PRELID2: variants seen among roughly 807,000 people sequenced by gnomAD.
PRELID2 encodes the protein PRELI domain containing 2, also known as PRELI domain-containing protein 2.
In PRELID2, 25 loss-of-function variants were observed where a neutral mutation model predicts 28.4. That is an observed-to-expected ratio of 0.88 (90% CI 0.64 to 1.23). The LOEUF (loss-of-function observed/expected upper bound fraction) is 1.23. PRELID2 is among the 50% of genes most tolerant of loss of function. The pLI is 0.00. For missense variants in PRELID2, 201 were observed against 214.4 expected (o/e 0.94, Z 0.39); for synonymous variants, 76 against 71.6 (o/e 1.06, Z -0.31).
chr5:145,608,791 G>A (rs1753565523), intron 1 of PRELID2, among the ~76,000 whole-genome samples: 1 of 152,182 alleles, frequency 6.6e-6, no homozygotes, highest in Non-Finnish European at 1.5e-5. Flanking sequence ...GGCCTCTCTG[G>A]TGAGGTTAGG....
chr5:145,436,695 G>A, the PRELID2 span, among the ~76,000 whole-genome samples: 2 of 151,824 alleles, frequency 1.3e-5, no homozygotes, highest in Non-Finnish European at 2.9e-5. Flanking sequence ...TCATATGTTT[G>A]CTGGCTGTGT....
the PRELID2 span, among the ~76,000 whole-genome samples, chr5:145,290,460 T>C: frequency 6.6e-6 from 1 of 151,980 alleles, no homozygotes; most frequent in Non-Finnish European, 1.5e-5. Context: ...GGGACGTGGA[T>C]GAAGCTGGAA....
chr5:145,272,483 G>C, the PRELID2 span, among the ~76,000 whole-genome samples: 1 of 152,028 alleles, frequency 6.6e-6, no homozygotes, highest in Admixed American at 6.6e-5. Context: ...AGAGTTAATA[G>C]GTGTTCATAT....
chr5:145,503,673 T>C (rs1364630853), intron 1 of PRELID2, among the ~76,000 whole-genome samples: 1 of 152,190 alleles, frequency 6.6e-6, no homozygotes, highest in Non-Finnish European at 1.5e-5. Flanking sequence ...TGAATCATCA[T>C]ATTAATTGTT....
the PRELID2 span, among the ~76,000 whole-genome samples, chr5:145,421,940 T>C: frequency 6.6e-6 from 1 of 152,018 alleles, no homozygotes; most frequent in Admixed American, 6.6e-5. Flanking sequence ...GTGTCTTTGT[T>C]CTCCTTCGTT....
chr5:145,562,715 T>A (rs946304841), intron 1 of PRELID2, among the ~76,000 whole-genome samples: 1 of 152,064 alleles, frequency 6.6e-6, no homozygotes, highest in Non-Finnish European at 1.5e-5. Context: ...TACACACAAG[T>A]TTTATAAATC....
the PRELID2 span, among the ~76,000 whole-genome samples, chr5:145,237,346 C>T: frequency 6.6e-6 from 1 of 152,140 alleles, no homozygotes; most frequent in East Asian, 1.9e-4. Context: ...AGAAAAATAA[C>T]AAGCAAAACA....
chr5:145,363,939 A>G, the PRELID2 span, among the ~76,000 whole-genome samples: 1 of 151,910 alleles, frequency 6.6e-6, no homozygotes, highest in Non-Finnish European at 1.5e-5. Flanking sequence ...TATTATTTGG[A>G]GAAAAAAATC....
At chr5:145,488,709 A>C (rs1403201248) in intron 1 of PRELID2, among the ~76,000 whole-genome samples, 1 of 152,206 alleles carries the variant, frequency 6.6e-6, no homozygotes, top group African/African-American at 2.4e-5. Flanking sequence ...CACAAGTCCT[A>C]GCACATAGTA....
At chr5:145,272,768 C>A in the PRELID2 span, among the ~76,000 whole-genome samples, 11,217 of 152,032 alleles carry the variant, frequency 0.074, 1,274 homozygotes, top group African/African-American at 0.25. Flanking sequence ...TAGATGATAT[C>A]AATTTTTCTA....
intron 1 of PRELID2, among the ~76,000 whole-genome samples, chr5:145,750,157 G>A (rs1016573765): frequency 1.1e-4 from 16 of 151,636 alleles, no homozygotes; most frequent in Admixed American, 9.9e-4. Context: ...AAATCACCAA[G>A]CCGAGAAGTT....
chr5:145,627,078 T>G (rs187329661), intron 1 of PRELID2, among the ~76,000 whole-genome samples: 1 of 100,780 alleles, frequency 9.9e-6, no homozygotes, highest in Non-Finnish European at 1.8e-5. Context: ...CCAGCCTGGG[T>G]GACAGAGTAA....
chr5:145,609,106 A>G (rs1753570095), intron 1 of PRELID2, among the ~76,000 whole-genome samples: 1 of 152,214 alleles, frequency 6.6e-6, no homozygotes, highest in Non-Finnish European at 1.5e-5. Flanking sequence ...TTTCAGCTCT[A>G]TCAGTTCATT....
At chr5:145,410,916 T>C in the PRELID2 span, among the ~76,000 whole-genome samples, 1 of 152,032 alleles carries the variant, frequency 6.6e-6, no homozygotes, top group Non-Finnish European at 1.5e-5. Flanking sequence ...AATCTCTTCT[T>C]CCTATGAGCC....
At chr5:145,472,314 T>G (rs904644578) in intron 2 of PRELID2, among the ~76,000 whole-genome samples, 1 of 152,128 alleles carries the variant, frequency 6.6e-6, no homozygotes, top group Admixed American at 6.6e-5. Context: ...CCACCTACAG[T>G]CTCTGGTTAG....
At chr5:145,631,557 T>C (rs1407595295) in intron 1 of PRELID2, among the ~76,000 whole-genome samples, 1 of 152,184 alleles carries the variant, frequency 6.6e-6, no homozygotes, top group Non-Finnish European at 1.5e-5. Context: ...ATATACATTG[T>C]CTGCCCCTAT....
intron 1 of PRELID2, among the ~76,000 whole-genome samples, chr5:145,636,875 T>G (rs779075968): frequency 4.6e-5 from 7 of 152,196 alleles, no homozygotes; most frequent in Admixed American, 4.6e-4. Flanking sequence ...TTAAAGCAAA[T>G]AATTCCTCTG....
At chr5:145,250,261 A>G in the PRELID2 span, among the ~76,000 whole-genome samples, 16 of 152,146 alleles carry the variant, frequency 1.1e-4, no homozygotes, top group Admixed American at 6.6e-5. Flanking sequence ...TGCAATATGC[A>G]GTATTTTGCT....
chr5:145,827,589 C>G (rs1561657559), intron 1 of PRELID2, among the ~76,000 whole-genome samples: 1 of 152,272 alleles, frequency 6.6e-6, no homozygotes, highest in South Asian at 2.1e-4. Flanking sequence ...ACATCAGCCT[C>G]TTTCTTTCAA....
Sources: allele counts gnomAD v4.1 joint callset (sites outside exome capture counted in the v4.1 genomes callset), GRCh38; gene constraint gnomAD v4.1.1; transcripts MANE v1.5; gene names NCBI Gene and HGNC (gene_info 2026-07-23, HGNC 2026-07-21).